The following NOP58 variants were observed in gnomAD, a reference collection of about 807,000 sequenced individuals.
The protein encoded by NOP58 is NOP58 ribonucleoprotein.
A neutral mutation model predicts 71.2 loss-of-function variants in NOP58; 44 were observed. The ratio of observed to expected loss-of-function variants is 0.62; its 90% CI spans 0.49 to 0.79. The LOEUF (loss-of-function observed/expected upper bound fraction) is 0.79. Ranked by LOEUF, NOP58 falls within the 30% of genes least tolerant of loss-of-function variation. The pLI, the probability that NOP58 is intolerant of heterozygous loss-of-function variation, is 0.00. For synonymous variants in NOP58, 228 were observed against 200.3 expected (o/e 1.14, Z -1.17); for missense variants, 538 against 620.2 (o/e 0.87, Z 1.41).
chr2:202,275,189 T>C lies in NOP58; in HGVS notation c.122T>C (p.Ile41Thr). ...EFETPEKANK[I>T]VKLKHFEKFQ... ...GAAACTCCAGAGAAAGCAAACAAAA[T>C]GTAAGTACTCTTGAAATCAATAATT... The change falls in exon 2 of 15, where the codon ATA (isoleucine) becomes ACA (threonine). Residue 41 changes from isoleucine to threonine, a missense_variant and splice_region_variant. Ile to Thr is a moderately conservative substitution (Grantham distance 89, BLOSUM62 -1). Coordinates refer to ENST00000264279, the MANE Select transcript of NOP58 (RefSeq NM_015934.5). 6.7e-7 allele frequency: 1 copy of C among 1,500,724 alleles called. No individual in the cohort carries two copies. The highest frequency in any genetic ancestry group is 9.2e-7 in the Non-Finnish European group (1 of 1,089,658). 93.0% of individuals were successfully genotyped at this position (1,500,724 alleles called of 1,614,324 possible).
At chr2:202,277,316 A>G (rs1365222906) in intron 2 of NOP58, among the ~76,000 whole-genome samples, 1 of 151,254 alleles carries the variant, frequency 6.6e-6, no homozygotes, top group South Asian at 2.1e-4. Flanking sequence ...AAAAAAAAAA[A>G]CAAAAACTAG....
At chr2:202,269,302 G>A (rs991984935) in intron 1 of NOP58, among the ~76,000 whole-genome samples, 2 of 150,956 alleles carry the variant, frequency 1.3e-5, no homozygotes, top group African/African-American at 4.9e-5. Context: ...CTCCCAAGTA[G>A]CTGGGATTAC....
At chr2:202,287,823 G>C in intron 6 of NOP58, 99 bp downstream of exon 6, 1 of 983,038 alleles carries the variant, frequency 1.0e-6, no homozygotes, top group Non-Finnish European at 1.6e-6. Context: ...TTGAGAAAGA[G>C]AAAGGAGGCC....
At chr2:202,290,138 T>C (rs1473848759) in intron 6 of NOP58, among the ~76,000 whole-genome samples, 185 bp from the exon 7 acceptor site, 1 of 152,068 alleles carries the variant, frequency 6.6e-6, no homozygotes, top group East Asian at 1.9e-4. Context: ...GTATTTTTAA[T>C]AGAGATGGGG....
chr2:202,265,780 T>A lies in NOP58; in HGVS notation c.-162T>A. On this transcript the variant is annotated 5_prime_UTR_variant, in exon 1 of 15. Coordinates refer to ENST00000264279, the MANE Select transcript of NOP58 (RefSeq NM_015934.5). ...CGTGCGTCCTAGTTCCAGTACAGCG[T>A]GGAGGGTTTAGGCAGCGTGTTCTGA... The A allele has an allele frequency of 1.4e-6, 1 of 696,156 alleles. No individual in the cohort carries two copies. Among genetic ancestry groups the A allele is most frequent in the African/African-American group, 1.8e-5 (1 of 56,690 alleles). The allele number at this position is 696,156 out of a possible 1,614,324, so 43.1% of individuals were successfully genotyped here.
intron 1 of NOP58, among the ~76,000 whole-genome samples, chr2:202,266,391 C>T (rs1302132307): frequency 6.6e-6 from 1 of 151,994 alleles, no homozygotes; most frequent in Non-Finnish European, 1.5e-5. Context: ...CTCCGTCTCC[C>T]GGGTTCAAGC....
In NOP58 at chr2:202,284,335, GTTC is replaced by G; in HGVS notation, c.298-7_298-5del. On this transcript the variant is annotated splice_polypyrimidine_tract_variant and splice_region_variant and intron_variant, in intron 4 of 14. Coordinates refer to ENST00000264279, the MANE Select transcript of NOP58 (RefSeq NM_015934.5). ...TTTTTAATTTAATATAGATGTTCAT[GTTC>G]TTGTAGGAAAAGCTGAATCTCAGTT... The G allele has an allele frequency of 6.3e-7, 1 of 1,579,166 alleles. No individual in the cohort carries two copies. Among genetic ancestry groups the G allele is most frequent in the Non-Finnish European group, 8.6e-7 (1 of 1,161,018 alleles).
intron 5 of NOP58, among the ~76,000 whole-genome samples, chr2:202,287,439 A>G (rs1196717658): frequency 6.6e-6 from 1 of 151,924 alleles, no homozygotes; most frequent in Non-Finnish European, 1.5e-5. Flanking sequence ...TACAGAAATA[A>G]AGGTCGTAGC....
intron 10 of NOP58, among the ~76,000 whole-genome samples, chr2:202,296,262 C>T (rs1688991351): frequency 6.6e-6 from 1 of 152,060 alleles, no homozygotes; most frequent in Non-Finnish European, 1.5e-5. Flanking sequence ...GTGGCTTGAT[C>T]TCGGCTCACT....
chr2:202,271,038 C>T (rs921801328), intron 1 of NOP58, among the ~76,000 whole-genome samples: 11 of 151,498 alleles, frequency 7.3e-5, no homozygotes, highest in African/African-American at 2.7e-4. Flanking sequence ...GAGAAGACCG[C>T]GCCTCTGCAC....
intron 1 of NOP58, among the ~76,000 whole-genome samples, chr2:202,266,446 C>A (rs557176060): frequency 6.6e-6 from 1 of 151,886 alleles, no homozygotes; most frequent in South Asian, 2.1e-4. Context: ...TTACAGGCCT[C>A]CATCCACCAC....
chr2:202,300,651 G>A (rs143461195), intron 13 of NOP58, among the ~76,000 whole-genome samples: 1 of 152,108 alleles, frequency 6.6e-6, no homozygotes, highest in South Asian at 2.1e-4. Flanking sequence ...AGAGAAAAAA[G>A]GAACGTGTTT....
intron 2 of NOP58, chr2:202,275,510 C>G (rs1275424682): frequency 4.8e-6 from 1 of 206,498 alleles, no homozygotes; most frequent in Non-Finnish European, 9.6e-6. Flanking sequence ...CTTCCACACA[C>G]AAATGTAATA....
rs1452091083 is a variant in NOP58 at position 202,282,426 on chromosome 2, A to C, written c.251A>C (p.His84Pro). 2 of 1,613,282 alleles carry C rather than the reference A, an allele frequency of 1.2e-6. No individual in the cohort carries two copies. Among genetic ancestry groups the C allele is most frequent in the Non-Finnish European group, 1.7e-6 (2 of 1,179,844 alleles). ...CTGAAGAAAATAGTAAAAGAAGCCC[A>C]TGAACCGCTGGCAGTAGCTGATGCT... ...KVLKKIVKEA[H>P]EPLAVADAKL... is the part of the protein sequence containing the mutation. Residue 84 changes from histidine (H) to proline (P), a missense_variant, in exon 4 of 15, where the codon CAT becomes CCT. Physicochemically the swap from His to Pro is moderately conservative, Grantham distance 77. Transcript: ENST00000264279.
intron 3 of NOP58, chr2:202,278,274 C>T (rs1196488773): frequency 5.3e-6 from 3 of 561,038 alleles, no homozygotes; most frequent in East Asian, 8.6e-5. Context: ...CCTGTGGAAA[C>T]CAGCAACATA....
intron 2 of NOP58, chr2:202,276,562 G>A: frequency 2.2e-6 from 1 of 455,386 alleles, no homozygotes; most frequent in South Asian, 1.5e-5. Flanking sequence ...CCCTGAGGCT[G>A]GGCGTGATGG....
intron 8 of NOP58, among the ~76,000 whole-genome samples, chr2:202,291,681 C>G (rs1352783799): frequency 6.6e-6 from 1 of 151,634 alleles, no homozygotes; most frequent in Non-Finnish European, 1.5e-5. Flanking sequence ...GTGGCGTACA[C>G]CTGTAATCCC....
chr2:202,271,451 C>T (rs1246470170), intron 1 of NOP58, among the ~76,000 whole-genome samples: 1 of 151,130 alleles, frequency 6.6e-6, no homozygotes, highest in African/African-American at 2.4e-5. Context: ...CCTGTAATCC[C>T]AGCTACTTGG....
At position 202,291,152 on chromosome 2, in the gene NOP58, A is replaced by G. The variant is rs768513128; in HGVS notation, c.662A>G (p.Lys221Arg). ...VGDRKNYASA[K>R]LSELLPEEVE... Reference sequence around the variant, plus strand: ...GATAGGAAGAACTATGCCTCTGCCAAGCTTTCTGAGTTGCTGCCAGAAGAA... The same window carrying G: ...GATAGGAAGAACTATGCCTCTGCCAGGCTTTCTGAGTTGCTGCCAGAAGAA... The change falls in exon 8 of 15, where the codon AAG (lysine) becomes AGG (arginine). Residue 221 changes from lysine (K) to arginine (R), a missense_variant. Physicochemically the swap from Lys to Arg is conservative, Grantham distance 26. Transcript: ENST00000264279. The G allele has an allele frequency of 9.3e-6, 15 of 1,612,206 alleles. No individual in the cohort carries two copies. The highest frequency in any genetic ancestry group is 6.7e-5 in the Admixed American group (4 of 59,320).
Sources: allele counts gnomAD v4.1 joint callset (sites outside exome capture counted in the v4.1 genomes callset), GRCh38; gene constraint gnomAD v4.1.1; transcripts MANE v1.5; gene names NCBI Gene and HGNC (gene_info 2026-07-23, HGNC 2026-07-21).